Variants in TMEM74 observed in about 807,000 individuals in gnomAD.
TMEM74 encodes transmembrane protein 74.
A neutral mutation model predicts 18.1 loss-of-function variants in TMEM74; 13 were observed. That is an observed-to-expected ratio of 0.72 (90% CI 0.47 to 1.14). The LOEUF (loss-of-function observed/expected upper bound fraction) is 1.14. Ranked by LOEUF, TMEM74 falls within the 50% of genes most tolerant of loss-of-function variation. The pLI is 0.00. For missense variants in TMEM74, 372 were observed against 375.9 expected (o/e 0.99, Z 0.09); for synonymous variants, 159 against 146.6 (o/e 1.08, Z -0.61).
chr8:108,629,446 A>G (rs964430417), intron 2 of TMEM74, among the ~76,000 whole-genome samples: 2 of 152,108 alleles, frequency 1.3e-5, no homozygotes, highest in African/African-American at 2.4e-5. Context: ...CCAACCTAGT[A>G]AGAAAGGCCA....
chr8:108,784,686 T>G lies in TMEM74; in HGVS notation c.413A>C (p.Glu138Ala). 6.2e-7 allele frequency: 1 copy of G among 1,614,092 alleles called. No individual in the cohort carries two copies. Among genetic ancestry groups the G allele is most frequent in the Non-Finnish European group, 8.5e-7 (1 of 1,179,996 alleles). The part of the protein sequence containing the change: ...PSAKGHNHPG[E>A]LGWENPNEWS... ...CTCATTTGGATTTTCCCAGCCAAGCTCCCCAGGGTGATTATGCCCTTTTGC... is the reference window on the plus strand; with the variant it reads ...CTCATTTGGATTTTCCCAGCCAAGCGCCCCAGGGTGATTATGCCCTTTTGC... The change falls in exon 2 of 2, where the codon GAG becomes GCG. Residue 138 changes from glutamate to alanine, a missense_variant. By Grantham distance (107) the Glu-to-Ala change is moderately radical (BLOSUM62 -1). Transcript: ENST00000297459.
At chr8:108,730,337 G>A (rs1023521443) in intron 1 of TMEM74, among the ~76,000 whole-genome samples, 33 of 152,110 alleles carry the variant, frequency 2.2e-4, no homozygotes, top group African/African-American at 7.7e-4. Context: ...AGACTCTGGA[G>A]CACTCCTTGG....
chr8:108,661,450 T>C (rs1812899374), intron 1 of TMEM74, among the ~76,000 whole-genome samples: 1 of 141,292 alleles, frequency 7.1e-6, no homozygotes, highest in Admixed American at 7.5e-5. Context: ...TTATCAGTAA[T>C]GGCACATTGG....
At chr8:108,759,628 G>C (rs1814018651) in intron 1 of TMEM74, among the ~76,000 whole-genome samples, 1 of 152,124 alleles carries the variant, frequency 6.6e-6, no homozygotes, top group African/African-American at 2.4e-5. Context: ...GAATGGCACT[G>C]TATGTACACA....
intron 1 of TMEM74, among the ~76,000 whole-genome samples, chr8:108,663,821 C>T (rs1005722100): frequency 3.9e-5 from 6 of 152,082 alleles, no homozygotes; most frequent in Non-Finnish European, 8.8e-5. Flanking sequence ...GAGATGGATG[C>T]AGTTGGAAGC....
At position 108,613,018 on chromosome 8, in the gene TMEM74, A is replaced by T. The variant is rs376392615; in HGVS notation, n.265-4192T>A. Among the ~76,000 whole-genome samples the T allele has an allele frequency of 2.5e-3, 379 of 152,312 alleles. 2 individuals carry two copies. The highest frequency in any genetic ancestry group is 8.8e-3 in the African/African-American group (364 of 41,580). ...ATTGAAAAACATAAACTTCTGAATT[A>T]TAAAAATAAAGAATTCAAAGAAAAA... On this transcript the variant is annotated intron_variant and non_coding_transcript_variant, in intron 2 of 3. Transcript: ENST00000518838.
At chr8:108,763,348 C>T (rs769841517) in intron 1 of TMEM74, among the ~76,000 whole-genome samples, 2 of 151,992 alleles carry the variant, frequency 1.3e-5, no homozygotes, top group Non-Finnish European at 2.9e-5. Flanking sequence ...GTTAACTGTG[C>T]CTCTAAAGCA....
intron 1 of TMEM74, among the ~76,000 whole-genome samples, chr8:108,723,601 C>T (rs7820557): frequency 0.42 from 63,059 of 151,912 alleles, 15,736 homozygotes; most frequent in African/African-American, 0.7. Context: ...ATGGCTTTCA[C>T]GGAAACAAGT....
At chr8:108,747,408 G>A (rs1027894648) in intron 1 of TMEM74, among the ~76,000 whole-genome samples, 1 of 152,126 alleles carries the variant, frequency 6.6e-6, no homozygotes, top group Non-Finnish European at 1.5e-5. Context: ...AGGAGTCAGG[G>A]TAAAGGTGAA....
chr8:108,696,112 C>A (rs2130611222), intron 1 of TMEM74, among the ~76,000 whole-genome samples: 1 of 152,268 alleles, frequency 6.6e-6, no homozygotes, highest in Non-Finnish European at 1.5e-5. Context: ...GACAGTATCA[C>A]AAAAAGTCTT....
intron 2 of TMEM74, among the ~76,000 whole-genome samples, chr8:108,633,737 A>G (rs1431184258): frequency 6.6e-6 from 1 of 151,984 alleles, no homozygotes; most frequent in African/African-American, 2.4e-5. Flanking sequence ...GTCAGCATCA[A>G]TACTGATTTC....
Position 108,782,814 on chromosome 8 carries a change from T to C in TMEM74, c.*1367A>G, listed in dbSNP as rs992971058. 1.1e-4 allele frequency among the ~76,000 whole-genome samples: 16 copies of C among 152,240 alleles called. No individual in the cohort carries two copies. Among genetic ancestry groups the C allele is most frequent in the African/African-American group, 3.6e-4 (15 of 41,460 alleles). On this transcript the variant is annotated 3_prime_UTR_variant, in exon 2 of 2. Transcript: ENST00000297459. ...TTACAACAACTCTTAGAGCACAGGTTGGAAAAACCTCCAGGCAGAGTTGCA... is the reference window on the plus strand; with the variant it reads ...TTACAACAACTCTTAGAGCACAGGTCGGAAAAACCTCCAGGCAGAGTTGCA...
In TMEM74 at chr8:108,781,844, G is replaced by T. The variant is rs1282145499; in HGVS notation, c.*2337C>A. ...CCTCTAGATCAAATCTATATTATTT[G>T]GTAGCCCTGCAAGATTCATTAAATG... is the stretch of plus-strand genomic sequence containing the variant. On this transcript the variant is annotated 3_prime_UTR_variant, in exon 2 of 2. Transcript: ENST00000297459. Among the ~76,000 whole-genome samples, 2 of 151,916 alleles carry T rather than the reference G, an allele frequency of 1.3e-5. No homozygotes were observed. Among genetic ancestry groups the T allele is most frequent in the African/African-American group, 4.8e-5 (2 of 41,336 alleles).
intron 1 of TMEM74, among the ~76,000 whole-genome samples, chr8:108,732,313 C>T (rs1222967382): frequency 6.6e-6 from 1 of 152,130 alleles, no homozygotes; most frequent in African/African-American, 2.4e-5. Flanking sequence ...TTTAGCTGTC[C>T]ATTCTCTCCC....
chr8:108,611,977 G>A (rs914952400), intron 2 of TMEM74, among the ~76,000 whole-genome samples: 4 of 152,084 alleles, frequency 2.6e-5, no homozygotes, highest in African/African-American at 7.2e-5. Context: ...TTCACAGGGC[G>A]GTAGGAGAGA....
At chr8:108,786,607 T>C (rs946704149) in intron 1 of TMEM74, among the ~76,000 whole-genome samples, 3 of 152,144 alleles carry the variant, frequency 2.0e-5, no homozygotes, top group Non-Finnish European at 2.9e-5. Context: ...GGAGTTTCTC[T>C]ACAGTGAAAA....
At chr8:108,625,450 A>G (rs796932448) in intron 2 of TMEM74, among the ~76,000 whole-genome samples, 4 of 152,018 alleles carry the variant, frequency 2.6e-5, no homozygotes, top group South Asian at 2.1e-4. Flanking sequence ...GTTTGCGTCT[A>G]TTGCTTTCCA....
At chr8:108,710,681 C>A (rs1348646770) in intron 1 of TMEM74, among the ~76,000 whole-genome samples, 1 of 152,208 alleles carries the variant, frequency 6.6e-6, no homozygotes, top group Non-Finnish European at 1.5e-5. Flanking sequence ...CCACACACAG[C>A]TGCACGGTTG....
At chr8:108,756,695 A>AGAAAGAAAGAAAGAAAGAAAGAAG (rs1398631410) in intron 1 of TMEM74, among the ~76,000 whole-genome samples, 4 of 84,664 alleles carry the variant, frequency 4.7e-5, no homozygotes, top group African/African-American at 1.6e-4. Context: ...AAAGAAAGAA[A>AGAAAGAAAGAAAGAAAGAAAGAAG]GAAGGAAGGA....
Sources: gnomAD v4.1 joint callset for allele counts (sites outside exome capture counted in the v4.1 genomes callset) on GRCh38, gnomAD v4.1.1 for gene constraint, MANE v1.5 for transcripts, NCBI Gene and HGNC (gene_info 2026-07-23, HGNC 2026-07-21) for gene names.